The following ZNF618 variants were observed in gnomAD, a reference collection of about 807,000 sequenced individuals.
ZNF618 encodes the protein neural precursor cell expressed, developmentally down-regulated 10.
ZNF618 carries 34 observed loss-of-function variants against 103.0 expected under a neutral mutation model. That is an observed-to-expected ratio of 0.33 (90% CI 0.25 to 0.44). ZNF618 has a LOEUF of 0.44. ZNF618 is among the 20% of genes least tolerant of loss of function. ZNF618 has a pLI of 1.00. For synonymous variants in ZNF618, 551 were observed against 542.2 expected (o/e 1.02, Z -0.23); for missense variants, 1,059 against 1,295.4 (o/e 0.82, Z 2.80).
At chr9:113,927,659 T>C (rs2418259) in intron 1 of ZNF618, among the ~76,000 whole-genome samples, 1 of 152,024 alleles carries the variant, frequency 6.6e-6, no homozygotes, top group African/African-American at 2.4e-5. Flanking sequence ...ACTAGAGGGG[T>C]TGGAGAAGGA....
chr9:113,983,848 C>G (rs1443650664), intron 2 of ZNF618, among the ~76,000 whole-genome samples: 1 of 152,108 alleles, frequency 6.6e-6, no homozygotes, highest in African/African-American at 2.4e-5. Context: ...GGCCCTGTTG[C>G]AAATGGGTGA....
At chr9:113,911,957 T>C (rs954655930) in intron 1 of ZNF618, among the ~76,000 whole-genome samples, 3 of 152,216 alleles carry the variant, frequency 2.0e-5, no homozygotes, top group African/African-American at 7.2e-5. Flanking sequence ...ACTTCTTTAG[T>C]GTTAGCTTGT....
chr9:113,964,159 C>T (rs918890228), intron 1 of ZNF618, among the ~76,000 whole-genome samples: 1 of 152,118 alleles, frequency 6.6e-6, no homozygotes, highest in Non-Finnish European at 1.5e-5. Context: ...TGGCGGCCCC[C>T]TTCTAACCTC....
chr9:113,936,793 T>A (rs1047966843), intron 1 of ZNF618, among the ~76,000 whole-genome samples: 1 of 152,240 alleles, frequency 6.6e-6, no homozygotes, highest in African/African-American at 2.4e-5. Flanking sequence ...ACATTATTTT[T>A]AAAAATGTGC....
chr9:114,030,264 G>T (rs1295763123), intron 11 of ZNF618, among the ~76,000 whole-genome samples: 1 of 152,212 alleles, frequency 6.6e-6, no homozygotes, highest in Non-Finnish European at 1.5e-5. Flanking sequence ...AGCCTTGAAG[G>T]TTTGAAGGTC....
intron 1 of ZNF618, among the ~76,000 whole-genome samples, chr9:113,959,159 C>T (rs1298174647): frequency 6.6e-6 from 1 of 152,024 alleles, no homozygotes; most frequent in Non-Finnish European, 1.5e-5. Flanking sequence ...CGTCGTGGCG[C>T]ATGCCTGTAA....
At chr9:113,950,688 C>A (rs1297759663) in intron 1 of ZNF618, among the ~76,000 whole-genome samples, 2 of 152,156 alleles carry the variant, frequency 1.3e-5, no homozygotes, top group Non-Finnish European at 2.9e-5. Context: ...GGGAAAGAGG[C>A]ATTCAAATCA....
Position 113,998,356 on chromosome 9 carries a change from T to C in ZNF618, c.433+2T>C, listed in dbSNP as rs1840835231. The C allele has an allele frequency of 6.5e-7, 1 of 1,550,116 alleles. No individual in the cohort carries two copies. The highest frequency in any genetic ancestry group is 2.0e-5 in the Admixed American group (1 of 50,982). ...ACCAAGCATTGAGATATGCATCTGG[T>C]ACGTGATGGCCAAGGGGTAGTGCCT... On this transcript the variant is annotated splice_donor_variant, in intron 4 of 14. Transcript: ENST00000374126. LOFTEE classifies it high-confidence loss of function.
intron 1 of ZNF618, among the ~76,000 whole-genome samples, chr9:113,908,024 TAAAAAC>T (rs1169000891): frequency 6.6e-6 from 1 of 152,112 alleles, no homozygotes; most frequent in African/African-American, 2.4e-5. Context: ...GGAGGAATGT[TAAAAAC>T]AAGGATGACG....
chr9:113,927,450 T>A (rs1413941674), intron 1 of ZNF618, among the ~76,000 whole-genome samples: 1 of 152,132 alleles, frequency 6.6e-6, no homozygotes, highest in Non-Finnish European at 1.5e-5. Flanking sequence ...CATACAGGAG[T>A]CCTGTTGATG....
chr9:113,894,023 A>G (rs924547958), intron 1 of ZNF618, among the ~76,000 whole-genome samples: 7 of 152,208 alleles, frequency 4.6e-5, no homozygotes, highest in African/African-American at 1.7e-4. Flanking sequence ...ATGCAAAAAA[A>G]GAGTCATAAT....
At chr9:114,047,801 C>G in intron 13 of ZNF618, 92 bp from the exon 14 acceptor site, 1 of 1,094,672 alleles carries the variant, frequency 9.1e-7, no homozygotes, top group Non-Finnish European at 1.3e-6. Context: ...TGGCCACATT[C>G]TGCTGTTACC....
intron 1 of ZNF618, among the ~76,000 whole-genome samples, chr9:113,920,568 A>G (rs1390883987): frequency 2.0e-5 from 3 of 151,820 alleles, no homozygotes; most frequent in Non-Finnish European, 4.4e-5. Context: ...TGCCTGGCTA[A>G]TTTTTTTATT....
intron 1 of ZNF618, among the ~76,000 whole-genome samples, chr9:113,927,519 T>A (rs1362473448): frequency 6.6e-6 from 1 of 152,244 alleles, no homozygotes; most frequent in Non-Finnish European, 1.5e-5. Flanking sequence ...GTTCTCAGTC[T>A]TTTAGTGGGC....
chr9:113,939,988 T>G (rs2132037727), intron 1 of ZNF618, among the ~76,000 whole-genome samples: 1 of 152,236 alleles, frequency 6.6e-6, no homozygotes, highest in Non-Finnish European at 1.5e-5. Flanking sequence ...TTTTCTGCTT[T>G]CTTTTGGCTT....
At chr9:114,039,471 C>T (rs1272070095) in intron 13 of ZNF618, among the ~76,000 whole-genome samples, 4 of 152,224 alleles carry the variant, frequency 2.6e-5, no homozygotes, top group Middle Eastern at 3.4e-3. Flanking sequence ...GTGCCTCAGC[C>T]TCCCTAGTAG....
At chr9:113,973,855 A>G (rs1440208356) in intron 2 of ZNF618, among the ~76,000 whole-genome samples, 2 of 152,190 alleles carry the variant, frequency 1.3e-5, no homozygotes, top group African/African-American at 2.4e-5. Context: ...CATTTTAGAG[A>G]TAAGGAAATC....
At chr9:113,954,092 A>C (rs537923925) in intron 1 of ZNF618, among the ~76,000 whole-genome samples, 5 of 152,094 alleles carry the variant, frequency 3.3e-5, no homozygotes, top group African/African-American at 4.8e-5. Context: ...GGTTGAGTCT[A>C]TGTGGGGTAG....
At chr9:113,995,574 AGTTTT>A (rs369746807) in intron 3 of ZNF618, among the ~76,000 whole-genome samples, 66 of 152,294 alleles carry the variant, frequency 4.3e-4, no homozygotes, top group Middle Eastern at 3.4e-3. Flanking sequence ...CAGTGGATAG[AGTTTT>A]GTTTTAGCAG....
Sources: gnomAD v4.1 joint callset for allele counts (sites outside exome capture counted in the v4.1 genomes callset) on GRCh38, gnomAD v4.1.1 for gene constraint, MANE v1.5 for transcripts, NCBI Gene and HGNC (gene_info 2026-07-23, HGNC 2026-07-21) for gene names.